The following SSH2 variants were observed in gnomAD, a reference collection of about 807,000 sequenced individuals.
SSH2 encodes protein phosphatase Slingshot homolog 2.
SSH2 carries 37 observed loss-of-function variants against 135.2 expected under a neutral mutation model. That is an observed-to-expected ratio of 0.27 (90% confidence interval 0.21 to 0.36). The LOEUF is 0.36. Among genes scored for constraint, SSH2 ranks in the 10% least tolerant of loss-of-function variants. The probability of loss-of-function intolerance (pLI) is 1.00; values close to 1 mark genes in which losing one functional copy is unlikely to be tolerated. For synonymous variants in SSH2, 628 were observed against 646.2 expected (o/e 0.97, Z 0.43); for missense variants, 1,408 against 1,765.3 (o/e 0.80, Z 3.63).
intron 1 of SSH2, among the ~76,000 whole-genome samples, chr17:29,868,144 T>C (rs1017088760): frequency 2.6e-5 from 4 of 152,210 alleles, no homozygotes; most frequent in Non-Finnish European, 4.4e-5. Flanking sequence ...GTTATACCAA[T>C]GATTAAAACT....
At chr17:29,704,599 A>G (rs1317236848) in intron 3 of SSH2, among the ~76,000 whole-genome samples, 4 of 149,348 alleles carry the variant, frequency 2.7e-5, no homozygotes, top group Non-Finnish European at 5.9e-5. Flanking sequence ...GCTATTCAGG[A>G]GGGTGAGGTG....
intron 6 of SSH2, 90 bp from the exon 7 acceptor site, chr17:29,677,831 C>A (rs2037793923): frequency 1.0e-6 from 1 of 970,002 alleles, no homozygotes; most frequent in South Asian, 1.4e-5. Flanking sequence ...CAAGGATAAA[C>A]CCTTAAATTC....
intron 1 of SSH2, among the ~76,000 whole-genome samples, chr17:29,906,510 A>C (rs1245079027): frequency 6.6e-6 from 1 of 152,208 alleles, no homozygotes; most frequent in Non-Finnish European, 1.5e-5. Context: ...AAAACTGACA[A>C]ATGGGATCTA....
intron 3 of SSH2, chr17:29,776,701 C>T (rs547883651): frequency 1.3e-5 from 2 of 152,274 alleles, no homozygotes; most frequent in African/African-American, 2.4e-5. Flanking sequence ...TGGATTGTCA[C>T]GTGGGTGCCA....
chr17:29,698,293 A>G (rs1416919365), intron 4 of SSH2, among the ~76,000 whole-genome samples: 1 of 152,150 alleles, frequency 6.6e-6, no homozygotes, highest in Non-Finnish European at 1.5e-5. Context: ...CTCTGTGACT[A>G]TTCTAAAAAC....
At chr17:29,651,421 T>C (rs2036573891) in intron 12 of SSH2, among the ~76,000 whole-genome samples, 1 of 152,250 alleles carries the variant, frequency 6.6e-6, no homozygotes, top group Admixed American at 6.5e-5. Context: ...CTGGCTGCTA[T>C]GGCATCGATG....
chr17:29,695,646 C>A, intron 4 of SSH2, 123 bp from the exon 5 acceptor site: 1 of 724,722 alleles, frequency 1.4e-6, no homozygotes, highest in Non-Finnish European at 2.3e-6. Flanking sequence ...TCTAATTAGA[C>A]ATAGAAATTA....
intron 3 of SSH2, among the ~76,000 whole-genome samples, chr17:29,763,930 T>G (rs1199888888): frequency 6.7e-6 from 1 of 149,278 alleles, no homozygotes; most frequent in African/African-American, 2.5e-5. Context: ...AAGAAAGTGC[T>G]AGAACATGTC....
Position 29,875,584 on chromosome 17 carries a change from G to C in SSH2, c.64-26655C>G, listed in dbSNP as rs2066013801. Among the ~76,000 whole-genome samples, 3 of 151,952 alleles carry C rather than the reference G, an allele frequency of 2.0e-5. No individual in the cohort carries two copies. The South Asian group carries it at 6.2e-4, about 32-fold the overall frequency. On this transcript the variant is annotated intron_variant, in intron 1 of 15. Coordinates refer to ENST00000540801, the MANE Select transcript of SSH2 (RefSeq NM_001282129.2). ...TCAGTTGTATTCCCATAGTTCTTGG[G>C]GAAAAAAATCAAAACTTCTTACTAC...
chr17:29,744,930 G>A (rs2040709038), intron 3 of SSH2, among the ~76,000 whole-genome samples: 2 of 149,202 alleles, frequency 1.3e-5, no homozygotes, highest in Admixed American at 1.3e-4. Flanking sequence ...AAAGCCACTA[G>A]CAGATAGTTT....
intron 11 of SSH2, among the ~76,000 whole-genome samples, chr17:29,661,539 A>G (rs1162088573): frequency 6.6e-6 from 1 of 152,206 alleles, no homozygotes; most frequent in Non-Finnish European, 1.5e-5. Flanking sequence ...CTTGTTTTAA[A>G]AAAATATGGG....
chr17:29,800,834 G>T (rs2042237896), intron 2 of SSH2, among the ~76,000 whole-genome samples: 1 of 150,546 alleles, frequency 6.6e-6, no homozygotes, highest in Admixed American at 6.6e-5. Context: ...TAATTTTAGG[G>T]TGTTCAGGAA....
chr17:29,873,045 T>A (rs907370052), intron 1 of SSH2, among the ~76,000 whole-genome samples: 4 of 151,992 alleles, frequency 2.6e-5, no homozygotes, highest in Non-Finnish European at 4.4e-5. Flanking sequence ...GTAATAGAAC[T>A]CTGAAGTGCT....
intron 3 of SSH2, among the ~76,000 whole-genome samples, chr17:29,755,656 CTTTTCT>C (rs1356270061): frequency 1.3e-5 from 2 of 151,028 alleles, no homozygotes; most frequent in Non-Finnish European, 3.0e-5. Flanking sequence ...TTTTAATTTT[CTTTTCT>C]TTTTCTTTTT....
chr17:29,831,547 A>G (rs2042843841), intron 2 of SSH2, among the ~76,000 whole-genome samples: 1 of 151,740 alleles, frequency 6.6e-6, no homozygotes, highest in African/African-American at 2.4e-5. Flanking sequence ...ACTTCTTGCC[A>G]TCTCACTACC....
chr17:29,670,644 T>C (rs1322547447), intron 9 of SSH2, among the ~76,000 whole-genome samples: 1 of 152,112 alleles, frequency 6.6e-6, no homozygotes, highest in Non-Finnish European at 1.5e-5. Flanking sequence ...CGTGGTGGCA[T>C]GCGCCTGTAA....
intron 5 of SSH2, among the ~76,000 whole-genome samples, chr17:29,690,700 A>ATT (rs1258130960): frequency 6.6e-6 from 1 of 152,190 alleles, no homozygotes; most frequent in Non-Finnish European, 1.5e-5. Flanking sequence ...AAAGAAAAAG[A>ATT]TTAGAGCTTC....
chr17:29,749,931 T>C (rs1218644003), intron 3 of SSH2, among the ~76,000 whole-genome samples: 1 of 151,894 alleles, frequency 6.6e-6, no homozygotes, highest in Non-Finnish European at 1.5e-5. Context: ...TTCACCATGT[T>C]GGCCAGGCTT....
intron 1 of SSH2, among the ~76,000 whole-genome samples, chr17:29,849,371 C>T (rs1299559658): frequency 2.7e-5 from 4 of 148,288 alleles, no homozygotes; most frequent in African/African-American, 7.5e-5. Context: ...CCCAGCTACT[C>T]GGGAGGCTGA....
Sources: allele counts gnomAD v4.1 joint callset (sites outside exome capture counted in the v4.1 genomes callset), GRCh38; gene constraint gnomAD v4.1.1; transcripts MANE v1.5; gene names NCBI Gene and HGNC (gene_info 2026-07-23, HGNC 2026-07-21).